Variants in RBL1 observed in about 807,000 individuals in gnomAD.
RBL1 encodes retinoblastoma-like protein 1.
Under a neutral mutation model 123.0 loss-of-function variants are expected in RBL1, and 82 were observed. That is an observed-to-expected ratio of 0.67 (90% CI 0.56 to 0.80). RBL1 has a LOEUF of 0.80. RBL1 is among the 30% of genes least tolerant of loss of function. The pLI is 0.00. For missense variants in RBL1, 1,171 were observed against 1,299.6 expected (o/e 0.90, Z 1.52); for synonymous variants, 405 against 441.3 (o/e 0.92, Z 1.03).
intron 2 of RBL1, among the ~76,000 whole-genome samples, chr20:37,069,758 G>GC (rs938639284): frequency 6.6e-6 from 1 of 151,478 alleles, no homozygotes; most frequent in African/African-American, 2.4e-5. Flanking sequence ...GGGGGGGTCA[G>GC]CCCCCCGCCA....
intron 2 of RBL1, among the ~76,000 whole-genome samples, chr20:37,084,773 C>T (rs6017232): frequency 6.6e-5 from 10 of 151,720 alleles, no homozygotes; most frequent in African/African-American, 2.2e-4. Context: ...ATAGGAAGAC[C>T]TTTTTTTTTG....
chr20:37,018,442 A>G (rs1422968251), intron 18 of RBL1, 73 bp from the exon 19 acceptor site: 30 of 1,509,890 alleles, frequency 2.0e-5, no homozygotes, highest in Non-Finnish European at 2.6e-5. Context: ...AAGTGAGAAG[A>G]GCAAAATATC....
intron 19 of RBL1, among the ~76,000 whole-genome samples, chr20:37,009,977 AT>A: frequency 6.6e-6 from 1 of 152,000 alleles, no homozygotes; most frequent in Non-Finnish European, 1.5e-5. Flanking sequence ...GTGAGCTATG[AT>A]TGCCCCATTA....
rs1568865641 is a variant in RBL1 at position 37,058,130 on chromosome 20, C to CAAAAA, written c.1251-1873_1251-1872insTTTTT. Among the ~76,000 whole-genome samples the CAAAAA allele has an allele frequency of 1.7e-5, 2 of 116,800 alleles. 1 individual carries two copies. The highest frequency in any genetic ancestry group is 3.5e-5 in the Non-Finnish European group (2 of 57,124). The allele number at this position is 116,800 out of a possible 152,430, so 76.6% of individuals were successfully genotyped here. A position where few individuals can be genotyped will look rare whatever the true frequency, so the allele number is the denominator to read the frequency against. On this transcript the variant is annotated intron_variant, in intron 9 of 21. Coordinates refer to ENST00000373664, the MANE Select transcript of RBL1 (RefSeq NM_002895.5). ...AAACTCTGTCTAAAAAAAAAAAAAA[C>CAAAAA]AAAACAAAACAAAAAAAAAAAAGCC...
Position 37,067,258 on chromosome 20 carries a change from A to T in RBL1, c.531T>A (p.Cys177Ter). Reference protein sequence around the residue: ...PCSVKDLFNFCWTLFVYTKGN... With the variant: ...PCSVKDLFNF ...CCTTAGTATAAACAAAAAGTGTCCAACAGAAATTAAACAGATCCTTAACAC... is the reference window on the plus strand; with the variant it reads ...CCTTAGTATAAACAAAAAGTGTCCATCAGAAATTAAACAGATCCTTAACAC... The change falls in exon 4 of 22, where the codon TGT (cysteine) becomes TGA (stop). Residue 177 changes from cysteine to a stop codon, truncating the protein, a stop_gained. Coordinates refer to ENST00000373664, the MANE Select transcript of RBL1 (RefSeq NM_002895.5). LOFTEE classifies it high-confidence loss of function. The T allele has an allele frequency of 6.2e-7, 1 of 1,606,902 alleles. No individual in the cohort carries two copies. Among genetic ancestry groups the T allele is most frequent in the Non-Finnish European group, 8.5e-7 (1 of 1,178,136 alleles).
intron 12 of RBL1, among the ~76,000 whole-genome samples, chr20:37,045,168 G>A (rs967914714): frequency 1.4e-4 from 21 of 151,580 alleles, no homozygotes; most frequent in African/African-American, 4.6e-4. Context: ...GTGCAGCGGC[G>A]CCATCTCGGC....
intron 12 of RBL1, among the ~76,000 whole-genome samples, chr20:37,046,544 G>A (rs1014528920): frequency 4.0e-5 from 6 of 151,486 alleles, no homozygotes; most frequent in African/African-American, 1.5e-4. Context: ...GATTATAGGT[G>A]TGAGCCACTG....
chr20:37,076,267 T>C (rs940465827), intron 2 of RBL1, among the ~76,000 whole-genome samples: 11 of 152,242 alleles, frequency 7.2e-5, no homozygotes, highest in Non-Finnish European at 1.3e-4. Context: ...TATTTTCCTA[T>C]ACGCATATAC....
intron 2 of RBL1, among the ~76,000 whole-genome samples, chr20:37,073,877 C>T (rs530342791): frequency 4.0e-5 from 6 of 151,146 alleles, no homozygotes; most frequent in Admixed American, 1.3e-4. Context: ...AAGGCCGAAG[C>T]GGGTGGATCA....
At chr20:37,085,647 A>ATTTTTTTTTTTTTTTTTTTTT (rs1202673380) in intron 2 of RBL1, among the ~76,000 whole-genome samples, 1 of 84,606 alleles carries the variant, frequency 1.2e-5, no homozygotes, top group Non-Finnish European at 2.2e-5. Flanking sequence ...TTGAAATTTG[A>ATTTTTTTTTTTTTTTTTTTTT]TTTTTTTTTT....
chr20:37,025,413 A>C (rs1230573876), intron 16 of RBL1, among the ~76,000 whole-genome samples: 1 of 152,028 alleles, frequency 6.6e-6, no homozygotes, highest in Non-Finnish European at 1.5e-5. Context: ...CCAGCTACTC[A>C]GGAGGCTGAG....
At position 37,061,157 on chromosome 20, in the gene RBL1, C is replaced by T; in HGVS notation, c.1196G>A (p.Ser399Asn). 6.2e-7 allele frequency: 1 copy of T among 1,613,730 alleles called. No individual in the cohort carries two copies. Among genetic ancestry groups the T allele is most frequent in the South Asian group, 1.1e-5 (1 of 91,020 alleles). Reference sequence around the variant, plus strand: ...TGCATTTTTCAGACCAGCCACAATACTCTGTAACCGGCTCACACTTTGGGT... The same window carrying T: ...TGCATTTTTCAGACCAGCCACAATATTCTGTAACCGGCTCACACTTTGGGT... Reference protein sequence around the residue: ...SATQSVSRLQSIVAGLKNAPS... With the variant: ...SATQSVSRLQNIVAGLKNAPS... The change falls in exon 9 of 22, where the codon AGT becomes AAT. Residue 399 changes from serine to asparagine, a missense_variant. Ser to Asn is a conservative substitution (Grantham distance 46). Coordinates refer to ENST00000373664, the MANE Select transcript of RBL1 (RefSeq NM_002895.5).
intron 16 of RBL1, among the ~76,000 whole-genome samples, chr20:37,023,448 G>C (rs2064374293): frequency 6.6e-6 from 1 of 152,056 alleles, no homozygotes; most frequent in African/African-American, 2.4e-5. Flanking sequence ...TCAAAGCTCA[G>C]AAGTCTCTGT....
rs746614117 is a variant in RBL1 at position 37,065,492 on chromosome 20, T to C, written c.847-19A>G. ...TTAATATCTGTGAACAAAAAATTAT[T>C]TTGGGACACCATATAATTAAGCATA... On this transcript the variant is annotated intron_variant, in intron 6 of 21. Transcript: ENST00000373664. The C allele has an allele frequency of 6.4e-7, 1 of 1,560,218 alleles. No homozygotes were observed. Among genetic ancestry groups the C allele is most frequent in the Non-Finnish European group, 8.8e-7 (1 of 1,140,748 alleles).
chr20:37,064,612 A>AC, intron 7 of RBL1, among the ~76,000 whole-genome samples: 1 of 148,466 alleles, frequency 6.7e-6, no homozygotes, highest in Non-Finnish European at 1.5e-5. Context: ...AGTATCAATA[A>AC]TTTTTTTTTT....
chr20:37,022,665 A>C lies in RBL1; in HGVS notation c.2544T>G (p.Phe848Leu). The C allele has an allele frequency of 6.2e-7, 1 of 1,610,772 alleles. No homozygotes were observed. The highest frequency in any genetic ancestry group is 8.5e-7 in the Non-Finnish European group (1 of 1,178,406). The change falls in exon 17 of 22, where the codon TTT becomes TTG. Residue 848 changes from phenylalanine to leucine, a missense_variant. Phe to Leu is a conservative substitution (Grantham distance 22). Transcript: ENST00000373664. Reference sequence around the variant, plus strand: ...TATACATTACCTTTGCCATGATATAAAAGGCACAAAGGAGGAGCTGATCCA... The same window carrying C: ...TATACATTACCTTTGCCATGATATACAAGGCACAAAGGAGGAGCTGATCCA... ...RHLDQLLLCA[F>L]YIMAKVTKEE...
At chr20:37,042,087 A>AG (rs1485483455) in intron 13 of RBL1, among the ~76,000 whole-genome samples, 2 of 151,486 alleles carry the variant, frequency 1.3e-5, no homozygotes, top group Non-Finnish European at 2.9e-5. Context: ...AAAAAAAAAA[A>AG]AAAAGAAAGT....
chr20:37,068,202 A>T lies in RBL1; in HGVS notation c.291-16T>A, dbSNP rs371891950. On this transcript the variant is annotated splice_polypyrimidine_tract_variant and intron_variant, in intron 2 of 21. Transcript: ENST00000373664. ...TTGTATTAAACTAAAAAAAAAAAGG[A>T]GGAGAAAAAAGGCACCTTTAAAATT... 5.2e-6 allele frequency: 8 copies of T among 1,534,662 alleles called. No homozygotes were observed. In the African/African-American group the frequency reaches 1.1e-4, roughly 22 times the overall value.
At chr20:37,093,278 T>A (rs1485643558) in intron 1 of RBL1, among the ~76,000 whole-genome samples, 2 of 151,030 alleles carry the variant, frequency 1.3e-5, no homozygotes, top group East Asian at 1.9e-4. Context: ...AAATTGATTT[T>A]AAAAAAAGAG....
Sources: allele counts gnomAD v4.1 joint callset (sites outside exome capture counted in the v4.1 genomes callset), GRCh38; gene constraint gnomAD v4.1.1; transcripts MANE v1.5; gene names NCBI Gene and HGNC (gene_info 2026-07-23, HGNC 2026-07-21).